The following ITGAE variants were observed in gnomAD, a reference collection of about 807,000 sequenced individuals.
The protein encoded by ITGAE is integrin subunit alpha E.
Under a neutral mutation model 136.5 loss-of-function variants are expected in ITGAE, and 99 were observed. The ratio of observed to expected loss-of-function variants is 0.73; its 90% CI spans 0.62 to 0.86. The LOEUF is 0.86. Among genes scored for constraint, ITGAE ranks in the 40% least tolerant of loss-of-function variants. The pLI is 0.00. For missense variants in ITGAE, 1,447 were observed against 1,515.3 expected (o/e 0.95, Z 0.75); for synonymous variants, 613 against 591.8 (o/e 1.04, Z -0.52).
chr17:3,720,219 G>T, intron 29 of ITGAE, 88 bp downstream of exon 29: 2 of 682,192 alleles, frequency 2.9e-6, no homozygotes, highest in Non-Finnish European at 5.4e-6. Flanking sequence ...GCTGAAAACA[G>T]GAAGAGGGCA....
intron 8 of ITGAE, among the ~76,000 whole-genome samples, chr17:3,758,141 G>A (rs1396325953): frequency 2.6e-5 from 4 of 152,198 alleles, no homozygotes; most frequent in Non-Finnish European, 4.4e-5. Flanking sequence ...ATATTAAAAC[G>A]ATAGATAATA....
chr17:3,741,242 TA>T (rs1253135415), intron 19 of ITGAE, among the ~76,000 whole-genome samples: 1 of 87,598 alleles, frequency 1.1e-5, no homozygotes, highest in African/African-American at 9.9e-5. Flanking sequence ...CACGCCCAGC[TA>T]ATTTTTTTTT....
chr17:3,755,743 G>T, intron 11 of ITGAE, 87 bp downstream of exon 11: 1 of 1,116,820 alleles, frequency 9.0e-7, no homozygotes, highest in Non-Finnish European at 1.3e-6. Context: ...GCAGAGCCCT[G>T]GATGGGAGGC....
intron 12 of ITGAE, among the ~76,000 whole-genome samples, chr17:3,754,896 GGCCTCCATGCCCC>G (rs2051966350): frequency 8.8e-6 from 1 of 114,278 alleles, no homozygotes; most frequent in Non-Finnish European, 1.8e-5. Context: ...TCGCCCACGT[GGCCTCCATGCCCC>G]GCCCTCACCC....
chr17:3,772,744 G>A (rs1444870286), intron 2 of ITGAE, among the ~76,000 whole-genome samples: 4 of 152,258 alleles, frequency 2.6e-5, no homozygotes, highest in South Asian at 4.1e-4. Flanking sequence ...GATTACAGGC[G>A]TGAGCCACCG....
intron 15 of ITGAE, among the ~76,000 whole-genome samples, chr17:3,751,447 C>A (rs1037804617): frequency 2.0e-4 from 30 of 151,794 alleles, no homozygotes; most frequent in Non-Finnish European, 1.3e-4. Context: ...GGTCTGGAAC[C>A]TCCCCCCAAC....
chr17:3,754,226 G>A (rs1330282311), intron 12 of ITGAE, among the ~76,000 whole-genome samples: 1 of 152,134 alleles, frequency 6.6e-6, no homozygotes, highest in Non-Finnish European at 1.5e-5. Context: ...TAGGAGGACG[G>A]AGAAGAGGGG....
At chr17:3,775,309 A>G (rs1326518625) in intron 2 of ITGAE, among the ~76,000 whole-genome samples, 2 of 152,128 alleles carry the variant, frequency 1.3e-5, no homozygotes, top group Non-Finnish European at 2.9e-5. Context: ...TTCCAGATGG[A>G]TCCAGGTAAA....
At position 3,714,929 on chromosome 17, in the gene ITGAE, T is replaced by A. The variant is rs535362495; in HGVS notation, c.3458A>T (p.Lys1153Ile). 2 of 1,602,576 alleles carry A rather than the reference T, an allele frequency of 1.2e-6. No individual in the cohort carries two copies. Among genetic ancestry groups the A allele is most frequent in the African/African-American group, 1.3e-5 (1 of 74,718 alleles). ...LVILFKCGFF[K>I]RKYQQLNLES... is the part of the protein sequence containing the mutation. ...CAAGTTCAGTTGTTGATATTTTCTTTTAAAAAAGCCACACTGAAACAAAGG... is the reference window on the plus strand; with the variant it reads ...CAAGTTCAGTTGTTGATATTTTCTTATAAAAAAGCCACACTGAAACAAAGG... Residue 1153 changes from lysine to isoleucine, a missense_variant, in exon 31 of 31, where the codon AAA (lysine) becomes ATA (isoleucine). Coordinates refer to ENST00000263087, the MANE Select transcript of ITGAE (RefSeq NM_002208.5).
chr17:3,793,011 C>T (rs1177736299), intron 1 of ITGAE, among the ~76,000 whole-genome samples: 3 of 152,108 alleles, frequency 2.0e-5, no homozygotes, highest in Non-Finnish European at 2.9e-5. Context: ...CCAGACCAGA[C>T]GTTCTTGTTT....
chr17:3,749,702 C>T (rs1044890892), intron 16 of ITGAE, among the ~76,000 whole-genome samples: 1 of 152,008 alleles, frequency 6.6e-6, no homozygotes, highest in African/African-American at 2.4e-5. Context: ...TGATCATTCA[C>T]TGAGGGATGG....
At chr17:3,744,646 A>G (rs2051670882) in intron 18 of ITGAE, among the ~76,000 whole-genome samples, 1 of 151,418 alleles carries the variant, frequency 6.6e-6, no homozygotes, top group Non-Finnish European at 1.5e-5. Context: ...ACAGGGTTTT[A>G]CCACATTGGT....
chr17:3,760,430 CTTTTTTTTTTTT>C (rs1208333239), intron 6 of ITGAE, 143 bp from the exon 7 acceptor site: 10 of 64,212 alleles, frequency 1.6e-4, no homozygotes, highest in Middle Eastern at 0.022. Context: ...AAGAGGGAAG[CTTTTTTTTTTTT>C]TTTTTTTTTT....
At chr17:3,719,991 G>A (rs2051017626) in intron 29 of ITGAE, among the ~76,000 whole-genome samples, 1 of 152,152 alleles carries the variant, frequency 6.6e-6, no homozygotes, top group Non-Finnish European at 1.5e-5. Flanking sequence ...CTCCCAAAGT[G>A]CTAGGATTAC....
intron 1 of ITGAE, among the ~76,000 whole-genome samples, chr17:3,789,496 T>C (rs2052885841): frequency 7.4e-6 from 1 of 135,852 alleles, no homozygotes; most frequent in Admixed American, 7.4e-5. Context: ...TCTTTCCTTC[T>C]TTTTTTTTGT....
intron 14 of ITGAE, among the ~76,000 whole-genome samples, chr17:3,752,135 C>G (rs1311660117): frequency 1.3e-5 from 2 of 152,184 alleles, no homozygotes; most frequent in South Asian, 2.1e-4. Flanking sequence ...CCAGGATGCA[C>G]GCTCACTGGC....
At chr17:3,751,998 C>T (rs146134801) in intron 14 of ITGAE, 124 bp from the exon 15 acceptor site, 16,761 of 811,838 alleles carry the variant, frequency 0.021, 240 homozygotes, top group Middle Eastern at 0.034. Context: ...GATGCACGCT[C>T]GCTGGGCCGG....
chr17:3,745,691 T>C, intron 18 of ITGAE, 73 bp downstream of exon 18: 1 of 1,436,776 alleles, frequency 7.0e-7, no homozygotes, highest in Non-Finnish European at 9.7e-7. Context: ...TATGTGCCCT[T>C]CACTGCATCA....
At chr17:3,738,461 G>A (rs2051510926) in intron 20 of ITGAE, among the ~76,000 whole-genome samples, 1 of 152,146 alleles carries the variant, frequency 6.6e-6, no homozygotes, top group African/African-American at 2.4e-5. Flanking sequence ...GAGCCACCGC[G>A]CCCGGCCTGG....
Sources: allele counts gnomAD v4.1 joint callset (sites outside exome capture counted in the v4.1 genomes callset), GRCh38; gene constraint gnomAD v4.1.1; transcripts MANE v1.5; gene names NCBI Gene and HGNC (gene_info 2026-07-23, HGNC 2026-07-21).